GRID2: variants seen among roughly 807,000 people sequenced by gnomAD.
The protein encoded by GRID2 is glutamate receptor ionotropic, delta-2.
A neutral mutation model predicts 114.8 loss-of-function variants in GRID2; 33 were observed. The observed-to-expected ratio is 0.29, with a 90% confidence interval of 0.22 to 0.38. The LOEUF (loss-of-function observed/expected upper bound fraction) is 0.38. Ranked by LOEUF, GRID2 falls within the 10% of genes least tolerant of loss-of-function variation. The probability of loss-of-function intolerance (pLI) is 1.00; values close to 1 mark genes in which losing one functional copy is unlikely to be tolerated. For synonymous variants in GRID2, 505 were observed against 449.9 expected (o/e 1.12, Z -1.55); for missense variants, 1,184 against 1,257.7 (o/e 0.94, Z 0.89).
intron 9 of GRID2, among the ~76,000 whole-genome samples, chr4:93,418,384 T>C (rs78728158): frequency 0.048 from 7,245 of 152,164 alleles, 233 homozygotes; most frequent in Middle Eastern, 0.12. Context: ...CAGTCATATG[T>C]TAACTTTGGT....
intron 2 of GRID2, among the ~76,000 whole-genome samples, chr4:92,613,866 T>C: frequency 6.6e-6 from 1 of 151,428 alleles, no homozygotes; most frequent in East Asian, 1.9e-4. Flanking sequence ...ATTATTTCCT[T>C]ACTTCTGTTT....
intron 2 of GRID2, among the ~76,000 whole-genome samples, chr4:93,082,635 G>A (rs936541684): frequency 6.6e-6 from 1 of 152,140 alleles, no homozygotes; most frequent in African/African-American, 2.4e-5. Flanking sequence ...TGGACTGCAC[G>A]ATCTCTAAAT....
chr4:93,655,001 G>A (rs180729089), intron 14 of GRID2, among the ~76,000 whole-genome samples: 1 of 152,250 alleles, frequency 6.6e-6, no homozygotes, highest in East Asian at 1.9e-4. Context: ...AAACTACTGA[G>A]CATGTAATCT....
chr4:92,731,556 C>G (rs1225430161), intron 2 of GRID2, among the ~76,000 whole-genome samples: 5 of 151,862 alleles, frequency 3.3e-5, no homozygotes, highest in Admixed American at 1.3e-4. Context: ...TTGCACTTAT[C>G]TTCAAACTGA....
chr4:93,556,231 A>G (rs1439159263), intron 13 of GRID2, among the ~76,000 whole-genome samples: 1 of 152,180 alleles, frequency 6.6e-6, no homozygotes, highest in Non-Finnish European at 1.5e-5. Context: ...CCTCGCCAGC[A>G]AGGGAACAAA....
chr4:92,606,270 TG>T (rs1729445036), intron 2 of GRID2, among the ~76,000 whole-genome samples: 1 of 151,948 alleles, frequency 6.6e-6, no homozygotes, highest in South Asian at 2.1e-4. Flanking sequence ...GAAAATACTT[TG>T]TTTTCTCCTG....
rs139014317 is a variant in GRID2 at position 93,804,482 on chromosome 4, A to G, written c.222-2233A>G. 2.0e-4 allele frequency among the ~76,000 whole-genome samples: 31 copies of G among 152,226 alleles called. No individual in the cohort carries two copies. The East Asian group carries it at 5.8e-3, about 28-fold the overall frequency. The stretch of plus-strand genomic sequence containing the variant: ...TTGTAACACAATGGTAAGTATTTGC[A>G]TATCTACACATGTCTAAACATAGGA... On this transcript the variant is annotated intron_variant, in intron 1 of 1. Transcript: ENST00000637838.
chr4:92,776,526 A>G (rs1427721705), intron 2 of GRID2, among the ~76,000 whole-genome samples: 2 of 152,178 alleles, frequency 1.3e-5, no homozygotes, highest in Non-Finnish European at 2.9e-5. Context: ...GTGTGCTAGA[A>G]GAGGATTACA....
At chr4:93,634,706 C>G (rs1721261561) in intron 14 of GRID2, among the ~76,000 whole-genome samples, 3 of 152,016 alleles carry the variant, frequency 2.0e-5, no homozygotes. Context: ...GTTAGGTTAG[C>G]TTTTAATTGA....
intron 14 of GRID2, among the ~76,000 whole-genome samples, chr4:93,728,885 C>A (rs1202018836): frequency 2.0e-5 from 3 of 152,080 alleles, no homozygotes. Context: ...TGTGTCTCTG[C>A]ATGTGAGATG....
intron 2 of GRID2, among the ~76,000 whole-genome samples, chr4:92,916,399 G>A (rs1253373237): frequency 1.3e-5 from 2 of 152,072 alleles, no homozygotes; most frequent in Non-Finnish European, 2.9e-5. Context: ...TAGGGTATAT[G>A]TGCACAACTT....
intron 2 of GRID2, among the ~76,000 whole-genome samples, chr4:93,042,619 C>G (rs1174583124): frequency 1.5e-5 from 2 of 131,940 alleles, no homozygotes; most frequent in Non-Finnish European, 3.2e-5. Flanking sequence ...TTCTCTCTCT[C>G]TCTCTCTATA....
chr4:92,436,133 A>T (rs893924443), intron 1 of GRID2, among the ~76,000 whole-genome samples: 2 of 152,180 alleles, frequency 1.3e-5, no homozygotes, highest in Admixed American at 1.3e-4. Flanking sequence ...ATGAAAGTGT[A>T]CCGCAAAATT....
At chr4:93,106,112 A>T (rs1443353150) in intron 3 of GRID2, among the ~76,000 whole-genome samples, 1 of 152,162 alleles carries the variant, frequency 6.6e-6, no homozygotes, top group African/African-American at 2.4e-5. Context: ...AGTAGAAGAA[A>T]TTACTGGAAA....
chr4:92,672,961 AT>A (rs1733150102), intron 2 of GRID2, among the ~76,000 whole-genome samples: 1 of 152,122 alleles, frequency 6.6e-6, no homozygotes, highest in African/African-American at 2.4e-5. Context: ...ACCACACTTT[AT>A]CCCCCAATTC....
intron 2 of GRID2, among the ~76,000 whole-genome samples, chr4:93,021,741 TATA>T (rs1395216403): frequency 6.9e-6 from 1 of 145,910 alleles, no homozygotes; most frequent in Non-Finnish European, 1.5e-5. Flanking sequence ...TTATGAATAT[TATA>T]ATTATTTATA....
intron 1 of GRID2, among the ~76,000 whole-genome samples, chr4:92,546,450 A>G (rs1016864124): frequency 1.3e-5 from 2 of 152,056 alleles, no homozygotes; most frequent in South Asian, 4.1e-4. Context: ...GACATTACCA[A>G]GTTTTTCTAT....
At chr4:93,781,738 TG>T (rs1734482563) in intron 1 of GRID2, among the ~76,000 whole-genome samples, 4 of 152,220 alleles carry the variant, frequency 2.6e-5, no homozygotes, top group Admixed American at 2.6e-4. Flanking sequence ...GTTGTTATAC[TG>T]TACAGTTTAG....
chr4:93,564,234 C>T (rs962082137), intron 13 of GRID2, among the ~76,000 whole-genome samples: 17 of 152,034 alleles, frequency 1.1e-4, no homozygotes, highest in African/African-American at 3.6e-4. Context: ...CTTGATTTTG[C>T]GTGATTGGCA....
Sources: gnomAD v4.1 joint callset for allele counts (sites outside exome capture counted in the v4.1 genomes callset) on GRCh38, gnomAD v4.1.1 for gene constraint, MANE v1.5 for transcripts, NCBI Gene and HGNC (gene_info 2026-07-23, HGNC 2026-07-21) for gene names.